The following GALK2 variants were observed in gnomAD, a reference collection of about 807,000 sequenced individuals.
GALK2 encodes galactokinase 2.
GALK2 carries 36 observed loss-of-function variants against 52.4 expected under a neutral mutation model. The observed-to-expected ratio is 0.69, with a 90% CI of 0.53 to 0.91. The LOEUF (loss-of-function observed/expected upper bound fraction) is 0.91. GALK2 is among the 40% of genes least tolerant of loss of function. The pLI is 0.00. For missense variants in GALK2, 579 were observed against 559.1 expected (o/e 1.04, Z -0.36); for synonymous variants, 176 against 199.1 (o/e 0.88, Z 0.98).
rs368837844 is a variant in GALK2 at position 49,254,887 on chromosome 15, A to G, written c.504+15520A>G. 1.9e-4 allele frequency among the ~76,000 whole-genome samples: 27 copies of G among 144,708 alleles called. No homozygotes were observed. The East Asian group carries it at 5.2e-3, about 28-fold the overall frequency. The allele number at this position is 144,708 out of a possible 152,430, so 94.9% of individuals were successfully genotyped here. On this transcript the variant is annotated intron_variant, in intron 5 of 9. Coordinates refer to ENST00000560031, the MANE Select transcript of GALK2 (RefSeq NM_002044.4). ...TAAAATTTTTTTCCAACTTTTAATT[A>G]TGAGAAAATTTCAAAAGGATAGAAG... is the stretch of plus-strand genomic sequence containing the variant.
chr15:49,308,055 G>T (rs1009093642), intron 8 of GALK2, among the ~76,000 whole-genome samples: 5 of 152,112 alleles, frequency 3.3e-5, no homozygotes, highest in Non-Finnish European at 4.4e-5. Context: ...ATTATCACTA[G>T]GAAAATAAAT....
chr15:49,303,116 T>A (rs1194061344), intron 8 of GALK2, among the ~76,000 whole-genome samples: 2 of 152,146 alleles, frequency 1.3e-5, no homozygotes, highest in African/African-American at 4.8e-5. Flanking sequence ...GAGGACAGGT[T>A]CATGCCAGGA....
intron 2 of GALK2, among the ~76,000 whole-genome samples, chr15:49,210,398 CT>C (rs1200519014): frequency 6.1e-5 from 9 of 147,990 alleles, no homozygotes; most frequent in South Asian, 2.1e-4. Flanking sequence ...AAATTTCTAC[CT>C]TTTTTTTTAG....
In GALK2 at chr15:49,217,238, A is replaced by C; in HGVS notation, c.191A>C (p.Glu64Ala). 1 of 1,612,722 alleles carries C rather than the reference A, an allele frequency of 6.2e-7. No homozygotes were observed. Among genetic ancestry groups the C allele is most frequent in the Non-Finnish European group, 8.5e-7 (1 of 1,178,726 alleles). ...TATTCTGTTCTTCCTATGGCTGTAG[A>C]ACAAGATGTGCTAATAGCTGTAGAA... is the stretch of plus-strand genomic sequence containing the variant. ...CGYSVLPMAV[E>A]QDVLIAVEPV... The change falls in exon 3 of 10, where the codon GAA (glutamate) becomes GCA (alanine). Residue 64 changes from glutamate to alanine, a missense_variant. Glu to Ala is a moderately radical substitution (Grantham distance 107, BLOSUM62 -1). Transcript: ENST00000560031.
Position 49,354,393 on chromosome 15 carries a change from C to T in GALK2, c.427-13098C>T, listed in dbSNP as rs868405982. Among the ~76,000 whole-genome samples, 1,142 of 152,218 alleles carry T rather than the reference C, an allele frequency of 7.5e-3. 12 individuals are homozygous for T. Among genetic ancestry groups the T allele is most frequent in the African/African-American group, 0.026 (1,077 of 41,538 alleles). ...GGCGCAGGTCAGTGGGTGCGCGCAC[C>T]GTGCGTGAGCCGAAGCAGGGCGAGG... On this transcript the variant is annotated intron_variant, in intron 3 of 3. Coordinates refer to the GALK2 transcript ENST00000558399.
intron 2 of GALK2, among the ~76,000 whole-genome samples, chr15:49,206,227 G>C (rs1450961804): frequency 6.6e-6 from 1 of 151,118 alleles, no homozygotes; most frequent in Non-Finnish European, 1.5e-5. Flanking sequence ...GCTCTTTTTT[G>C]GTTCCATATG....
At chr15:49,224,917 T>A (rs2090043415) in intron 3 of GALK2, among the ~76,000 whole-genome samples, 1 of 152,232 alleles carries the variant, frequency 6.6e-6, no homozygotes, top group Non-Finnish European at 1.5e-5. Flanking sequence ...GTACAGGATC[T>A]TTATTTGTGG....
At chr15:49,348,754 A>C (rs558347963) in intron 3 of GALK2, among the ~76,000 whole-genome samples, 3 of 152,344 alleles carry the variant, frequency 2.0e-5, no homozygotes, top group African/African-American at 7.2e-5. Context: ...AGCATTCAAA[A>C]GGTTTGGCTT....
At chr15:49,170,096 C>G, upstream of GALK2, 1 of 964,694 alleles carries the variant, frequency 1.0e-6, no homozygotes, top group South Asian at 1.8e-5. Context: ...AGGACGGAGG[C>G]TGTACCTGAC....
At chr15:49,282,572 T>TG (rs2032852803) in intron 6 of GALK2, among the ~76,000 whole-genome samples, 1 of 152,158 alleles carries the variant, frequency 6.6e-6, no homozygotes, top group Non-Finnish European at 1.5e-5. Context: ...GCTTCAGTGG[T>TG]GGGAAAAAGA....
At chr15:49,263,730 G>T (rs2092237632) in intron 5 of GALK2, among the ~76,000 whole-genome samples, 1 of 125,808 alleles carries the variant, frequency 7.9e-6, no homozygotes, top group Non-Finnish European at 1.7e-5. Flanking sequence ...TCCATGTTTA[G>T]TGCTTCCTTC....
At chr15:49,288,013 C>A (rs1017376684) in intron 7 of GALK2, among the ~76,000 whole-genome samples, 2 of 152,196 alleles carry the variant, frequency 1.3e-5, no homozygotes, top group East Asian at 3.9e-4. Flanking sequence ...AAAGTCAGAG[C>A]CTTGTAGAGC....
chr15:49,197,187 G>A (rs1377257151), intron 1 of GALK2, among the ~76,000 whole-genome samples: 1 of 152,042 alleles, frequency 6.6e-6, no homozygotes, highest in Non-Finnish European at 1.5e-5. Context: ...TTTTCTTATT[G>A]TTTTCATTTG....
At chr15:49,198,515 C>A (rs1422806914) in intron 1 of GALK2, among the ~76,000 whole-genome samples, 1 of 152,052 alleles carries the variant, frequency 6.6e-6, no homozygotes, top group Non-Finnish European at 1.5e-5. Flanking sequence ...CAGTTTTAAG[C>A]CCAGGTCTAC....
At chr15:49,354,876 C>T (rs1336776478) in intron 3 of GALK2, among the ~76,000 whole-genome samples, 70 of 152,008 alleles carry the variant, frequency 4.6e-4, no homozygotes, top group Admixed American at 1.0e-3. Context: ...GTTCTCCCAG[C>T]ATGCAGCTGG....
intron 8 of GALK2, among the ~76,000 whole-genome samples, chr15:49,301,911 A>T (rs1202686886): frequency 1.3e-5 from 2 of 152,212 alleles, no homozygotes; most frequent in African/African-American, 4.8e-5. Flanking sequence ...GAAGACACCT[A>T]GAGTCAATGG....
intron 5 of GALK2, among the ~76,000 whole-genome samples, chr15:49,269,017 G>A (rs557280231): frequency 2.6e-5 from 4 of 152,060 alleles, no homozygotes; most frequent in African/African-American, 7.2e-5. Flanking sequence ...TATAATTTGG[G>A]GGAGTGTCAG....
At chr15:49,204,575 T>C (rs760845612) in intron 2 of GALK2, among the ~76,000 whole-genome samples, 1 of 152,178 alleles carries the variant, frequency 6.6e-6, no homozygotes, top group Non-Finnish European at 1.5e-5. Context: ...TTCCTAGATA[T>C]TCATTTTTTT....
intron 8 of GALK2, among the ~76,000 whole-genome samples, chr15:49,311,182 G>A (rs2035960738): frequency 6.6e-6 from 1 of 152,060 alleles, no homozygotes. Context: ...TTTTTAACCA[G>A]GATTCAACAA....
Sources: allele counts gnomAD v4.1 joint callset (sites outside exome capture counted in the v4.1 genomes callset), GRCh38; gene constraint gnomAD v4.1.1; transcripts MANE v1.5; gene names NCBI Gene and HGNC (gene_info 2026-07-23, HGNC 2026-07-21).